The following ZKSCAN5 variants were observed in gnomAD, a reference collection of about 807,000 sequenced individuals.
ZKSCAN5 encodes zinc finger protein with KRAB and SCAN domains 5.
In ZKSCAN5, 28 loss-of-function variants were observed where a neutral mutation model predicts 60.0. That is an observed-to-expected ratio of 0.47 (90% confidence interval 0.35 to 0.64). The LOEUF (loss-of-function observed/expected upper bound fraction) is 0.64. Among genes scored for constraint, ZKSCAN5 ranks in the 30% least tolerant of loss-of-function variants. The probability of loss-of-function intolerance (pLI) is 0.01; values close to 1 mark genes in which losing one functional copy is unlikely to be tolerated. For missense variants in ZKSCAN5, 881 were observed against 1,034.6 expected, an observed-to-expected ratio of 0.85 and a Z score of 2.04; for synonymous variants, 361 against 371.2, an observed-to-expected ratio of 0.97 and a Z score of 0.31.
chr7:99,519,211 T>G (rs561516030), intron 3 of ZKSCAN5, among the ~76,000 whole-genome samples: 1 of 151,510 alleles, frequency 6.6e-6, no homozygotes, highest in African/African-American at 2.4e-5. Flanking sequence ...GCTGACCTTG[T>G]GATCCTCCTG....
chr7:99,507,443 G>T (rs531140000), intron 2 of ZKSCAN5, among the ~76,000 whole-genome samples: 1 of 149,724 alleles, frequency 6.7e-6, no homozygotes, highest in Non-Finnish European at 1.5e-5. Context: ...ATGTGTTTGC[G>T]TATATATGTA....
chr7:99,506,339 C>T lies in ZKSCAN5; in HGVS notation c.295C>T (p.Leu99=). The change falls in exon 2 of 7, where the codon CTG becomes TTG. Residue 99 remains leucine (L), a synonymous_variant. Transcript: ENST00000326775. ...ILELLVLEQF[L]TILPEEFQPW... The stretch of plus-strand genomic sequence containing the variant: ...GGAGCTGCTGGTGCTGGAGCAGTTC[C>T]TGACCATCCTGCCTGAAGAGTTCCA... The T allele has an allele frequency of 1.2e-6, 2 of 1,614,234 alleles. No homozygotes were observed. The highest frequency in any genetic ancestry group is 1.7e-6 in the Non-Finnish European group (2 of 1,180,042).
At chr7:99,511,532 T>A (rs985583944) in intron 2 of ZKSCAN5, among the ~76,000 whole-genome samples, 1 of 151,774 alleles carries the variant, frequency 6.6e-6, no homozygotes, top group Admixed American at 6.6e-5. Context: ...AGCCTTGACC[T>A]CCTGGGCTCA....
intron 2 of ZKSCAN5, among the ~76,000 whole-genome samples, chr7:99,507,533 A>G (rs867064547): frequency 2.1e-4 from 24 of 112,918 alleles, no homozygotes; most frequent in Non-Finnish European, 3.4e-4. Flanking sequence ...GTATATGTGT[A>G]TATATATATG....
intron 2 of ZKSCAN5, among the ~76,000 whole-genome samples, chr7:99,509,628 G>A (rs1186028972): frequency 2.0e-5 from 3 of 151,804 alleles, no homozygotes; most frequent in Non-Finnish European, 4.4e-5. Context: ...CACCATGCCC[G>A]GCTAATTTCC....
chr7:99,506,068 A>C lies in ZKSCAN5; in HGVS notation c.24A>C (p.Glu8Asp). 1 of 1,613,712 alleles carries C rather than the reference A, an allele frequency of 6.2e-7. No individual in the cohort carries two copies. The highest frequency in any genetic ancestry group is 8.5e-7 in the Non-Finnish European group (1 of 1,179,754). MIMTESR[E>D]VIDLDPPAET... ...GAATGATAATGACCGAATCCCGAGA[A>C]GTTATAGACTTAGACCCCCCAGCTG... is the stretch of plus-strand genomic sequence containing the variant. The change falls in exon 2 of 7, where the codon GAA becomes GAC. Residue 8 changes from glutamate (E) to aspartate (D), a missense_variant. By Grantham distance (45) the Glu-to-Asp change is conservative (BLOSUM62 2). Coordinates refer to ENST00000326775, the MANE Select transcript of ZKSCAN5 (RefSeq NM_145102.4).
Position 99,532,132 on chromosome 7 carries a change from T to A in ZKSCAN5, c.2403T>A (p.Phe801Leu), listed in dbSNP as rs1802080638. The A allele has an allele frequency of 2.3e-5, 37 of 1,613,920 alleles. No individual in the cohort carries two copies. Among genetic ancestry groups the A allele is most frequent in the Non-Finnish European group, 3.1e-5 (36 of 1,180,038 alleles). Reference protein sequence around the residue: ...HQRIHTGEKPFQCKECGMNFS... With the variant: ...HQRIHTGEKPLQCKECGMNFS... ...GAATCCATACTGGTGAGAAACCTTT[T>A]CAATGTAAAGAATGTGGAATGAATT... Residue 801 changes from phenylalanine (F) to leucine (L), a missense_variant, in exon 7 of 7, where the codon TTT becomes TTA. Physicochemically the swap from Phe to Leu is conservative, Grantham distance 22 (BLOSUM62 0). Around this residue, in one of 5 missense-constraint regions of ZKSCAN5, gnomAD observed 138 missense variants for 143.8 expected, o/e 0.96. Coordinates refer to ENST00000326775, the MANE Select transcript of ZKSCAN5 (RefSeq NM_145102.4).
intron 2 of ZKSCAN5, 30 bp downstream of exon 2, chr7:99,506,488 G>T: frequency 2.5e-6 from 4 of 1,580,060 alleles, no homozygotes; most frequent in Non-Finnish European, 3.4e-6. Context: ...TATGAGCAAT[G>T]AAGGAGAGGA....
Position 99,526,247 on chromosome 7 carries a change from A to C in ZKSCAN5, c.1207A>C (p.Lys403Gln), listed in dbSNP as rs1254850728. ...QRVHTGEKPY[K>Q]CQVCGKAFRV... Reference sequence around the variant, plus strand: ...CGTCCACACAGGGGAGAAACCCTACAAATGTCAGGTGTGCGGAAAGGCTTT... The same window carrying C: ...CGTCCACACAGGGGAGAAACCCTACCAATGTCAGGTGTGCGGAAAGGCTTT... Residue 403 changes from lysine to glutamine, a missense_variant, in exon 6 of 7, where the codon AAA becomes CAA. By Grantham distance (53) the Lys-to-Gln change is moderately conservative. Transcript: ENST00000326775. 1 of 1,614,122 alleles carries C rather than the reference A, an allele frequency of 6.2e-7. No homozygotes were observed. Among genetic ancestry groups the C allele is most frequent in the East Asian group, 2.2e-5 (1 of 44,878 alleles).
Position 99,533,764 on chromosome 7 carries a change from C to A in ZKSCAN5, c.*1515C>A, listed in dbSNP as rs142075500. On this transcript the variant is annotated 3_prime_UTR_variant, in exon 7 of 7. Coordinates refer to ENST00000326775, the MANE Select transcript of ZKSCAN5 (RefSeq NM_145102.4). ...ATCCGTGCTAAGCTCTCTCCCTTCT[C>A]TATCCTGTTTCATTCCCTCCCTCAA... 1 of 397,810 alleles carries A rather than the reference C, an allele frequency of 2.5e-6. No individual in the cohort carries two copies. Among genetic ancestry groups the A allele is most frequent in the East Asian group, 3.6e-5 (1 of 28,028 alleles). The allele number at this position is 397,810 out of a possible 1,614,324, so 24.6% of individuals were successfully genotyped here.
chr7:99,515,833 CAAAA>C (rs1165846971), intron 3 of ZKSCAN5, among the ~76,000 whole-genome samples: 5 of 66,764 alleles, frequency 7.5e-5, no homozygotes, highest in Admixed American at 3.5e-4. Flanking sequence ...GACTCCATCT[CAAAA>C]AAAAAAAAAA....
Position 99,520,232 on chromosome 7 carries a change from C to A in ZKSCAN5, c.700C>A (p.His234Asn). The A allele has an allele frequency of 6.2e-7, 1 of 1,614,132 alleles. No homozygotes were observed. The highest frequency in any genetic ancestry group is 1.3e-5 in the African/African-American group (1 of 75,046). ...ATCCTTCATCCTGGAGGAATGGGGG[C>A]ATTTGGACCAGTCCCAGAAGTCCCT... ...AVSFILEEWG[H>N]LDQSQKSLYR... is the part of the protein sequence containing the mutation. The change falls in exon 5 of 7, where the codon CAT (histidine) becomes AAT (asparagine). Residue 234 changes from histidine (H) to asparagine (N), a missense_variant. By Grantham distance (68) the His-to-Asn change is moderately conservative. Coordinates refer to ENST00000326775, the MANE Select transcript of ZKSCAN5 (RefSeq NM_145102.4).
rs1227052525 is a variant in ZKSCAN5 at position 99,532,332 on chromosome 7, C to G, written c.*83C>G. On this transcript the variant is annotated 3_prime_UTR_variant, in exon 7 of 7. Coordinates refer to ENST00000326775, the MANE Select transcript of ZKSCAN5 (RefSeq NM_145102.4). ...CAAAGTAACAACTTCAAGCATTTTTCCAGCGTTACCATCAAACTCACAAAT... is the reference window on the plus strand; with the variant it reads ...CAAAGTAACAACTTCAAGCATTTTTGCAGCGTTACCATCAAACTCACAAAT... The G allele has an allele frequency of 3.8e-6, 5 of 1,328,514 alleles. No individual in the cohort carries two copies. The highest frequency in any genetic ancestry group is 5.1e-6 in the Non-Finnish European group (5 of 986,628). The allele number at this position is 1,328,514 out of a possible 1,614,324, so 82.3% of individuals were successfully genotyped here.
Position 99,531,337 on chromosome 7 carries a change from A to G in ZKSCAN5, c.1608A>G (p.Pro536=), listed in dbSNP as rs749165055. 1.4e-5 allele frequency: 22 copies of G among 1,614,098 alleles called. No homozygotes were observed. The highest frequency in any genetic ancestry group is 1.6e-4 in the Middle Eastern group (1 of 6,084). ...SSKRMNYSEV[P]YVHKKSSTGE... ...AGAGGATGAACTACAGTGAAGTCCC[A>G]TATGTCCACAAAAAATCCTCCACTG... Residue 536 remains proline (P), a synonymous_variant, in exon 7 of 7, where the codon CCA becomes CCG. Transcript: ENST00000326775.
intron 2 of ZKSCAN5, among the ~76,000 whole-genome samples, chr7:99,508,818 T>TC (rs1394063376): frequency 6.8e-6 from 1 of 148,128 alleles, no homozygotes; most frequent in South Asian, 2.1e-4. Flanking sequence ...TTTCTTTCTT[T>TC]TTTTTTTTTT....
intron 3 of ZKSCAN5, among the ~76,000 whole-genome samples, chr7:99,517,665 A>G (rs1466809705): frequency 6.6e-6 from 1 of 151,862 alleles, no homozygotes; most frequent in Non-Finnish European, 1.5e-5. Flanking sequence ...TGGGCAACAG[A>G]GCGAGACTCC....
At chr7:99,505,210 G>A (rs537592204) in intron 1 of ZKSCAN5, 1 of 151,934 alleles carries the variant, frequency 6.6e-6, no homozygotes, top group African/African-American at 2.4e-5. Flanking sequence ...CTTTCGGGGG[G>A]GGGTGGGATC....
At chr7:99,528,984 C>T (rs942646632) in intron 6 of ZKSCAN5, among the ~76,000 whole-genome samples, 5 of 152,130 alleles carry the variant, frequency 3.3e-5, no homozygotes, top group Non-Finnish European at 7.3e-5. Flanking sequence ...GCAGGGATTG[C>T]TGTATCACCC....
intron 6 of ZKSCAN5, among the ~76,000 whole-genome samples, chr7:99,527,468 C>G (rs1801841896): frequency 6.6e-6 from 1 of 152,018 alleles, no homozygotes; most frequent in African/African-American, 2.4e-5. Context: ...TAGTATGTTT[C>G]CTTTTTTTTT....
Sources: allele counts gnomAD v4.1 joint callset (sites outside exome capture counted in the v4.1 genomes callset), GRCh38; gene constraint gnomAD v4.1.1; regional missense constraint gnomAD v4.1.1; transcripts MANE v1.5; gene names NCBI Gene and HGNC (gene_info 2026-07-23, HGNC 2026-07-21).